Variants in TECTA observed in about 807,000 individuals in gnomAD.
TECTA encodes the protein tectorin alpha.
Under a neutral mutation model 216.8 loss-of-function variants are expected in TECTA, and 128 were observed. That is an observed-to-expected ratio of 0.59 (90% CI 0.51 to 0.68). TECTA has a LOEUF of 0.68. Among genes scored for constraint, TECTA ranks in the 30% least tolerant of loss-of-function variants. The pLI is 0.00. For synonymous variants in TECTA, 1,089 were observed against 1,117.1 expected (o/e 0.97, Z 0.50); for missense variants, 2,551 against 2,786.2 (o/e 0.92, Z 1.90).
At chr11:121,137,105 C>T (rs1201840022) in intron 10 of TECTA, among the ~76,000 whole-genome samples, 1 of 152,220 alleles carries the variant, frequency 6.6e-6, no homozygotes, top group Non-Finnish European at 1.5e-5. Flanking sequence ...GAGGCACACA[C>T]ATGCAATCAC....
Position 121,145,504 on chromosome 11 carries a change from G to A in TECTA, c.3544-51G>A, listed in dbSNP as rs777696580. ...GAGACTCATCGTTAGGAGAAGAGCT[G>A]GGAAATCTCTGGGCCAACTGTGTTT... On this transcript the variant is annotated intron_variant, in intron 11 of 23. Coordinates refer to ENST00000392793, the MANE Select transcript of TECTA (RefSeq NM_005422.4). 2.5e-6 allele frequency: 4 copies of A among 1,596,744 alleles called. No individual in the cohort carries two copies. The Admixed American group carries it at 6.7e-5, about 27-fold the overall frequency.
Position 121,113,030 on chromosome 11 carries a change from T to C in TECTA, c.487-42T>C. On this transcript the variant is annotated intron_variant, in intron 4 of 23. Coordinates refer to ENST00000392793, the MANE Select transcript of TECTA (RefSeq NM_005422.4). The surrounding 1 kb of genome is among the most constrained non-coding windows in gnomAD (Gnocchi z 4.2). ...GGACCTCCTTGGGGCCAGGACCTCC[T>C]GGGGAGTGCAAGTCATGAGACTGCG... is the stretch of plus-strand genomic sequence containing the variant. 6.2e-7 allele frequency: 1 copy of C among 1,613,392 alleles called. No individual in the cohort carries two copies. The highest frequency in any genetic ancestry group is 8.5e-7 in the Non-Finnish European group (1 of 1,179,822).
chr11:121,107,243 T>C (rs919297325), intron 3 of TECTA, among the ~76,000 whole-genome samples: 1 of 152,238 alleles, frequency 6.6e-6, no homozygotes, highest in African/African-American at 2.4e-5. Flanking sequence ...GAAGCCCAGT[T>C]AAGCTAGTTT....
rs990721056 is a variant in TECTA, at chr11:121,105,701, C to G, written c.65-130C>G. The G allele has an allele frequency of 8.5e-7, 1 of 1,171,866 alleles. No individual in the cohort carries two copies. Among genetic ancestry groups the G allele is most frequent in the African/African-American group, 1.5e-5 (1 of 65,994 alleles). 72.6% of individuals were successfully genotyped at this position (1,171,866 alleles called of 1,614,324 possible). A position where few individuals can be genotyped will look rare whatever the true frequency, so the allele number is the denominator to read the frequency against. ...TATGGCCTAGGTTTAGGATGAATGA[C>G]AGGGCAGTATGACTTGCATTCAGCT... On this transcript the variant is annotated intron_variant, in intron 2 of 23. Coordinates refer to ENST00000392793, the MANE Select transcript of TECTA (RefSeq NM_005422.4). The surrounding 1 kb of genome is among the most constrained non-coding windows in gnomAD (Gnocchi z 5.3).
At chr11:121,140,644 C>T (rs559074813) in intron 11 of TECTA, among the ~76,000 whole-genome samples, 23 of 152,274 alleles carry the variant, frequency 1.5e-4, no homozygotes, top group East Asian at 5.8e-4. Flanking sequence ...GTGAGGTCCT[C>T]GGGAAGCACC....
At chr11:121,153,106 C>T in intron 13 of TECTA, 26 bp downstream of exon 13, 1 of 1,602,264 alleles carries the variant, frequency 6.2e-7, no homozygotes, top group Non-Finnish European at 8.5e-7. Flanking sequence ...CCGGCCTTTT[C>T]CTCCTTGCCA....
intron 20 of TECTA, among the ~76,000 whole-genome samples, chr11:121,172,142 C>T (rs1048833719): frequency 2.0e-5 from 3 of 152,072 alleles, no homozygotes; most frequent in African/African-American, 7.2e-5. Context: ...TTTTGTGCAT[C>T]TATTCAGATA....
At chr11:121,170,859 AT>A (rs1329346199) in intron 20 of TECTA, among the ~76,000 whole-genome samples, 3 of 151,968 alleles carry the variant, frequency 2.0e-5, no homozygotes, top group Non-Finnish European at 2.9e-5. Flanking sequence ...GTTTGCAAAT[AT>A]TTTCTTTTAT....
intron 10 of TECTA, among the ~76,000 whole-genome samples, chr11:121,131,847 G>A (rs1486342711): frequency 1.3e-5 from 2 of 152,052 alleles, no homozygotes; most frequent in African/African-American, 2.4e-5. Flanking sequence ...TGCATTTTTG[G>A]CAGGAATACC....
At chr11:121,182,617 T>G (rs555731460) in intron 20 of TECTA, among the ~76,000 whole-genome samples, 1 of 152,258 alleles carries the variant, frequency 6.6e-6, no homozygotes, top group East Asian at 1.9e-4. Flanking sequence ...ATGTGAGCAC[T>G]GGCAGTGGGT....
intron 3 of TECTA, among the ~76,000 whole-genome samples, chr11:121,107,114 C>T (rs182839416): frequency 7.9e-5 from 12 of 152,318 alleles, no homozygotes; most frequent in East Asian, 1.9e-4. Context: ...CATCCTGAAA[C>T]GCCTTTTATA....
At position 121,152,883 on chromosome 11, in the gene TECTA, G is replaced by A. The variant is rs1946904121; in HGVS notation, c.4108G>A (p.Val1370Ile). The part of the protein sequence containing the change: ...TGWRNYTSCT[V>I]TCPPNSHYES... ...TTGACTTGTCTCTCTTGTTCCAGCT[G>A]TCACCTGCCCTCCAAACAGCCATTA... Residue 1370 changes from valine (V) to isoleucine (I), a missense_variant and splice_region_variant, in exon 13 of 24, where the codon GTC becomes ATC. By Grantham distance (29) the Val-to-Ile change is conservative (BLOSUM62 3). Transcript: ENST00000392793. 6.3e-7 allele frequency: 1 copy of A among 1,599,078 alleles called. No homozygotes were observed. Among genetic ancestry groups the A allele is most frequent in the African/African-American group, 1.3e-5 (1 of 74,662 alleles).
At chr11:121,184,953 G>A (rs987968738) in intron 20 of TECTA, among the ~76,000 whole-genome samples, 10 of 152,024 alleles carry the variant, frequency 6.6e-5, no homozygotes, top group East Asian at 1.9e-4. Context: ...TATTCCTTTC[G>A]CAACATAAAA....
intron 3 of TECTA, among the ~76,000 whole-genome samples, chr11:121,106,781 A>T (rs1293012282): frequency 1.3e-4 from 20 of 152,146 alleles, no homozygotes; most frequent in Non-Finnish European, 2.9e-4. Flanking sequence ...CTCCGGGATG[A>T]TTCCCGCTAG....
chr11:121,113,866 G>T lies in TECTA; in HGVS notation c.790+148G>T. The stretch of plus-strand genomic sequence containing the variant: ...GGTAATGGAGATCAAGGTAATTTTA[G>T]CATGTGCATTCATCACATCAGAAGC... On this transcript the variant is annotated intron_variant, in intron 6 of 23. Transcript: ENST00000392793. This position sits in a 1 kb window ranked among gnomAD's most constrained non-coding sequence, Gnocchi z 4.2. 1.0e-6 allele frequency: 1 copy of T among 1,002,978 alleles called. No homozygotes were observed. 62.1% of individuals were successfully genotyped at this position (1,002,978 alleles called of 1,614,324 possible).
chr11:121,147,399 G>A (rs1946848167), intron 12 of TECTA, among the ~76,000 whole-genome samples: 1 of 152,206 alleles, frequency 6.6e-6, no homozygotes, highest in Non-Finnish European at 1.5e-5. Context: ...TAAGGGAAGG[G>A]TGGGAGGAAG....
chr11:121,113,311 A>G lies in TECTA; in HGVS notation c.624+102A>G. Reference sequence around the variant, plus strand: ...GGAATCCTGCCACCAGCTTTTAACTAGAGACGCAGGTCTGATCTCGCAGGT... The same window carrying G: ...GGAATCCTGCCACCAGCTTTTAACTGGAGACGCAGGTCTGATCTCGCAGGT... On this transcript the variant is annotated intron_variant, in intron 5 of 23. Transcript: ENST00000392793. This position sits in a 1 kb window ranked among gnomAD's most constrained non-coding sequence, Gnocchi z 4.2. The G allele has an allele frequency of 1.3e-6, 2 of 1,592,812 alleles. No homozygotes were observed. Among genetic ancestry groups the G allele is most frequent in the Non-Finnish European group, 1.7e-6 (2 of 1,168,186 alleles).
In TECTA at chr11:121,189,882, T is replaced by C. The variant is rs776444901; in HGVS notation, c.6367+2T>C. 4 of 1,610,936 alleles carry C rather than the reference T, an allele frequency of 2.5e-6. No individual in the cohort carries two copies. Among genetic ancestry groups the C allele is most frequent in the East Asian group, 4.5e-5 (2 of 44,828 alleles). Reference sequence around the variant, plus strand: ...AGGAGGACGGCAAGAGCTGCAGAGGTAGACACTCTTCTACCCTGGGGCAGG... The same window carrying C: ...AGGAGGACGGCAAGAGCTGCAGAGGCAGACACTCTTCTACCCTGGGGCAGG... On this transcript the variant is annotated splice_donor_variant, in intron 23 of 23. Coordinates refer to ENST00000392793, the MANE Select transcript of TECTA (RefSeq NM_005422.4). LOFTEE classifies it high-confidence loss of function.
intron 17 of TECTA, among the ~76,000 whole-genome samples, chr11:121,166,203 A>G (rs1449140542): frequency 6.6e-6 from 1 of 152,190 alleles, no homozygotes; most frequent in East Asian, 1.9e-4. Context: ...TGGTCTGGCC[A>G]GTGCTGCTGT....
Sources: allele counts gnomAD v4.1 joint callset (sites outside exome capture counted in the v4.1 genomes callset), GRCh38; gene constraint gnomAD v4.1.1; non-coding constraint Gnocchi (gnomAD v3.1); transcripts MANE v1.5; gene names NCBI Gene and HGNC (gene_info 2026-07-23, HGNC 2026-07-21).